Variants in BIRC2 observed in about 807,000 individuals in gnomAD.
BIRC2 encodes baculoviral IAP repeat-containing protein 2.
A neutral mutation model predicts 60.9 loss-of-function variants in BIRC2; 18 were observed. That is an observed-to-expected ratio of 0.30 (90% CI 0.20 to 0.44). The LOEUF (loss-of-function observed/expected upper bound fraction) is 0.44, where lower values mean the gene tolerates loss of function less well. Among genes scored for constraint, BIRC2 ranks in the 20% least tolerant of loss-of-function variants. The probability of loss-of-function intolerance (pLI) is 1.00; values close to 1 mark genes in which losing one functional copy is unlikely to be tolerated. For synonymous variants in BIRC2, 282 were observed against 247.7 expected, an observed-to-expected ratio of 1.14 and a Z score of -1.30; for missense variants, 701 against 728.5, an observed-to-expected ratio of 0.96 and a Z score of 0.43.
At chr11:102,368,007 T>C (rs1951572954) in intron 5 of BIRC2, among the ~76,000 whole-genome samples, 1 of 152,222 alleles carries the variant, frequency 6.6e-6, no homozygotes, top group South Asian at 2.1e-4. Flanking sequence ...TCAGAATCAT[T>C]TGGGAAATAT....
intron 3 of BIRC2, among the ~76,000 whole-genome samples, chr11:102,357,153 A>G (rs1009846297): frequency 1.3e-5 from 2 of 152,132 alleles, no homozygotes; most frequent in South Asian, 2.1e-4. Context: ...CATCAGGGCT[A>G]TTGGCATATA....
intron 1 of BIRC2, chr11:102,347,689 T>C (rs2135800526): frequency 6.6e-6 from 1 of 152,358 alleles, no homozygotes; most frequent in South Asian, 2.1e-4. Flanking sequence ...TTTTGCAAGG[T>C]TTTAAACTTA....
chr11:102,368,344 G>A lies in BIRC2; in HGVS notation c.1162G>A (p.Ala388Thr), dbSNP rs1342666704. The A allele has an allele frequency of 6.2e-7, 1 of 1,613,764 alleles. No homozygotes were observed. Among genetic ancestry groups the A allele is most frequent in the Admixed American group, 1.7e-5 (1 of 59,978 alleles). Residue 388 changes from alanine (A) to threonine (T), a missense_variant, in exon 6 of 9, where the codon GCT becomes ACT. Ala to Thr is a moderately conservative substitution (Grantham distance 58, BLOSUM62 0). Transcript: ENST00000227758. ...FGPGESSSED[A>T]VMMNTPVVKS... ...ACCTGGAGAAAGTTCTTCAGAAGAT[G>A]CTGTCATGATGAATACACCTGTGGT...
intron 3 of BIRC2, among the ~76,000 whole-genome samples, chr11:102,362,507 GTTA>G (rs1254306645): frequency 6.6e-6 from 1 of 152,164 alleles, no homozygotes; most frequent in African/African-American, 2.4e-5. Context: ...AAAATGAGCA[GTTA>G]TTGTATTGTG....
At position 102,378,129 on chromosome 11, in the gene BIRC2, A is replaced by G. The variant is rs770121314; in HGVS notation, c.1803A>G (p.Lys601=). The part of the protein sequence containing the change: ...VCQECAPSLR[K]CPICRGIIKG... The stretch of plus-strand genomic sequence containing the variant: ...AGGAATGTGCCCCTTCTCTAAGAAA[A>G]TGCCCTATTTGCAGGGGTATAATCA... The change falls in exon 9 of 9, where the codon AAA becomes AAG. Residue 601 remains lysine (K), a synonymous_variant. Coordinates refer to ENST00000227758, the MANE Select transcript of BIRC2 (RefSeq NM_001166.5). 6.2e-7 allele frequency: 1 copy of G among 1,613,514 alleles called. No homozygotes were observed. Among genetic ancestry groups the G allele is most frequent in the South Asian group, 1.1e-5 (1 of 90,946 alleles).
At chr11:102,367,487 AAG>A (rs1491289757) in intron 5 of BIRC2, among the ~76,000 whole-genome samples, 5 of 152,202 alleles carry the variant, frequency 3.3e-5, no homozygotes, top group Non-Finnish European at 5.9e-5. Flanking sequence ...GTGTTTGAAC[AAG>A]AGGGGACATT....
At chr11:102,374,477 C>CTCGGGGG (rs1239356550) in intron 6 of BIRC2, among the ~76,000 whole-genome samples, 1 of 149,792 alleles carries the variant, frequency 6.7e-6, no homozygotes, top group Non-Finnish European at 1.5e-5. Flanking sequence ...AGTTAGGCTG[C>CTCGGGGG]TCGGGGGTCA....
At chr11:102,364,178 CACACACACAG>C (rs1233952546) in intron 5 of BIRC2, among the ~76,000 whole-genome samples, 28 of 62,740 alleles carry the variant, frequency 4.5e-4, no homozygotes, top group African/African-American at 9.0e-4. Context: ...TATATATACA[CACACACACAG>C]AGAGAGAGAG....
chr11:102,350,191 A>G lies in BIRC2; in HGVS notation c.337A>G (p.Ile113Val). 1 of 1,614,238 alleles carries G rather than the reference A, an allele frequency of 6.2e-7. No homozygotes were observed. Among genetic ancestry groups the G allele is most frequent in the Non-Finnish European group, 8.5e-7 (1 of 1,180,044 alleles). ...ACAGCTATATCCTAGCTGTAGCTTTATTCAGAATCTGGTTTCAGCTAGTCT... is the reference window on the plus strand; with the variant it reads ...ACAGCTATATCCTAGCTGTAGCTTTGTTCAGAATCTGGTTTCAGCTAGTCT... ...HKQLYPSCSF[I>V]QNLVSASLGS... The change falls in exon 2 of 9, where the codon ATT becomes GTT. Residue 113 changes from isoleucine to valine, a missense_variant. Coordinates refer to ENST00000227758, the MANE Select transcript of BIRC2 (RefSeq NM_001166.5).
chr11:102,362,901 A>C lies in BIRC2; in HGVS notation c.1001A>C (p.Glu334Ala). 1 of 1,611,328 alleles carries C rather than the reference A, an allele frequency of 6.2e-7. No homozygotes were observed. Among genetic ancestry groups the C allele is most frequent in the Non-Finnish European group, 8.5e-7 (1 of 1,177,932 alleles). ...ATTTTCCTCATATGTTTTAGGTGTG[A>C]GTTCTTGATACGAATGAAAGGCCAA... ...VEHAKWFPRCEFLIRMKGQEF... is the reference protein window; with the variant it reads ...VEHAKWFPRCAFLIRMKGQEF... Residue 334 changes from glutamate (E) to alanine (A), a missense_variant, in exon 4 of 9, where the codon GAG becomes GCG. Glu to Ala is a moderately radical substitution (Grantham distance 107). This residue lies in a region of BIRC2 where 39 missense variants were observed against 69.8 expected (regional missense o/e 0.56). Transcript: ENST00000227758.
At chr11:102,367,596 G>A (rs1951568618) in intron 5 of BIRC2, among the ~76,000 whole-genome samples, 1 of 152,116 alleles carries the variant, frequency 6.6e-6, no homozygotes, top group African/African-American at 2.4e-5. Flanking sequence ...TATCATATGG[G>A]CTAGCATTGA....
chr11:102,348,101 C>T (rs1333896310), intron 1 of BIRC2, among the ~76,000 whole-genome samples: 2 of 152,154 alleles, frequency 1.3e-5, no homozygotes, highest in East Asian at 3.8e-4. Flanking sequence ...AAGGGAATGG[C>T]AGAGTTTAAG....
At chr11:102,362,092 G>A (rs992340246) in intron 3 of BIRC2, among the ~76,000 whole-genome samples, 28 of 151,928 alleles carry the variant, frequency 1.8e-4, no homozygotes, top group African/African-American at 6.3e-4. Context: ...TATCTTTTGT[G>A]GAATATGTTT....
intron 6 of BIRC2, among the ~76,000 whole-genome samples, chr11:102,374,728 A>G (rs1206201676): frequency 1.3e-5 from 2 of 152,156 alleles, no homozygotes; most frequent in African/African-American, 2.4e-5. Flanking sequence ...TTGTTTACCT[A>G]ATCAAGCCTG....
intron 5 of BIRC2, among the ~76,000 whole-genome samples, chr11:102,364,198 G>A (rs1254121892): frequency 7.4e-6 from 1 of 134,548 alleles, no homozygotes; most frequent in African/African-American, 2.9e-5. Flanking sequence ...GAGAGAGAGA[G>A]AGAGAGAGAG....
chr11:102,353,287 T>A (rs1389265041), intron 3 of BIRC2, among the ~76,000 whole-genome samples: 1 of 152,230 alleles, frequency 6.6e-6, no homozygotes, highest in African/African-American at 2.4e-5. Flanking sequence ...AGGGGCGTGT[T>A]TTGTAAATGC....
intron 6 of BIRC2, among the ~76,000 whole-genome samples, chr11:102,373,180 A>T (rs1234804679): frequency 6.6e-6 from 1 of 151,788 alleles, no homozygotes; most frequent in Non-Finnish European, 1.5e-5. Context: ...TAAAGTTAAT[A>T]TTGTCATGTG....
chr11:102,374,385 C>T lies in BIRC2; in HGVS notation c.1367-3111C>T, dbSNP rs569444733. ...TTCTGTTTGTTAGTTTTCCTTCTAACAGACAGGACCCTCAGCTGCAGGTCT... is the reference window on the plus strand; with the variant it reads ...TTCTGTTTGTTAGTTTTCCTTCTAATAGACAGGACCCTCAGCTGCAGGTCT... On this transcript the variant is annotated intron_variant, in intron 6 of 8. Transcript: ENST00000227758. 2.5e-3 allele frequency among the ~76,000 whole-genome samples: 372 copies of T among 148,388 alleles called. 4 individuals carry two copies. Among genetic ancestry groups the T allele is most frequent in the Non-Finnish European group, 4.2e-3 (279 of 66,614 alleles).
At chr11:102,351,549 A>G (rs535792053) in intron 3 of BIRC2, among the ~76,000 whole-genome samples, 1 of 126,350 alleles carries the variant, frequency 7.9e-6, no homozygotes, top group African/African-American at 2.9e-5. Context: ...CAGGAGGCGG[A>G]GGCTGCAGTG....
Sources: allele counts gnomAD v4.1 joint callset (sites outside exome capture counted in the v4.1 genomes callset), GRCh38; gene constraint gnomAD v4.1.1; regional missense constraint gnomAD v4.1.1; transcripts MANE v1.5; gene names NCBI Gene and HGNC (gene_info 2026-07-23, HGNC 2026-07-21).